The following TXK variants were observed in gnomAD, a reference collection of about 807,000 sequenced individuals.
TXK encodes TXK tyrosine kinase, also known as tyrosine-protein kinase TXK.
In TXK, 60 loss-of-function variants were observed where a neutral mutation model predicts 81.0. The ratio of observed to expected loss-of-function variants is 0.74; its 90% CI spans 0.60 to 0.92. The LOEUF is 0.92. Among genes scored for constraint, TXK ranks in the 40% least tolerant of loss-of-function variants. TXK has a pLI of 0.00. For missense variants in TXK, 581 were observed against 638.3 expected (o/e 0.91, Z 0.97); for synonymous variants, 203 against 210.7 (o/e 0.96, Z 0.32).
At chr4:48,103,538 T>G (rs1346166026) in intron 6 of TXK, among the ~76,000 whole-genome samples, 1 of 152,242 alleles carries the variant, frequency 6.6e-6, no homozygotes, top group Non-Finnish European at 1.5e-5. Flanking sequence ...CATTGAGTTT[T>G]GAGTTACAGA....
At chr4:48,099,975 G>C (rs1014613859) in intron 6 of TXK, among the ~76,000 whole-genome samples, 20 of 151,774 alleles carry the variant, frequency 1.3e-4, no homozygotes, top group Admixed American at 1.3e-3. Flanking sequence ...ACGAGGTCAG[G>C]AGATCGAGAC....
At chr4:48,078,459 C>T (rs1393458987) in intron 11 of TXK, among the ~76,000 whole-genome samples, 1 of 152,322 alleles carries the variant, frequency 6.6e-6, no homozygotes, top group Admixed American at 6.5e-5. Context: ...TCAGGGATTT[C>T]TCATAGACTT....
intron 9 of TXK, 38 bp downstream of exon 9, chr4:48,089,712 G>C: frequency 6.4e-7 from 1 of 1,553,056 alleles, no homozygotes; most frequent in Non-Finnish European, 8.9e-7. Flanking sequence ...TTTACTACTG[G>C]ATTTGCTATT....
chr4:48,124,053 C>T (rs1719023712), intron 1 of TXK, among the ~76,000 whole-genome samples: 1 of 152,216 alleles, frequency 6.6e-6, no homozygotes, highest in Non-Finnish European at 1.5e-5. Context: ...TCCCAAAGCA[C>T]AGTCCTGCCC....
At chr4:48,074,602 AT>A (rs560471597) in intron 12 of TXK, among the ~76,000 whole-genome samples, 14 of 152,306 alleles carry the variant, frequency 9.2e-5, no homozygotes, top group African/African-American at 3.4e-4. Context: ...GAAACCAAGA[AT>A]AACTACCGTC....
intron 1 of TXK, 23 bp from the exon 2 acceptor site, chr4:48,114,425 G>T (rs1354828323): frequency 1.2e-6 from 2 of 1,613,676 alleles, no homozygotes; most frequent in Non-Finnish European, 1.7e-6. Flanking sequence ...TCATTTCTCA[G>T]CTGTTAGAAA....
At chr4:48,126,495 G>A (rs532880994) in intron 1 of TXK, among the ~76,000 whole-genome samples, 2 of 152,122 alleles carry the variant, frequency 1.3e-5, no homozygotes, top group East Asian at 1.9e-4. Flanking sequence ...GTGTGTGTGT[G>A]TGGTTGTTTG....
At chr4:48,131,283 T>C (rs2109490756) in intron 1 of TXK, among the ~76,000 whole-genome samples, 1 of 152,000 alleles carries the variant, frequency 6.6e-6, no homozygotes, top group South Asian at 2.1e-4. Flanking sequence ...AAACAACAAA[T>C]GTTTTTGGCA....
At chr4:48,086,760 G>T in intron 9 of TXK, 123 bp from the exon 10 acceptor site, 1 of 871,232 alleles carries the variant, frequency 1.1e-6, no homozygotes, top group Non-Finnish European at 1.7e-6. Flanking sequence ...AAAGTGGAGA[G>T]GATATGAAGC....
chr4:48,090,404 C>T (rs1480891902), intron 8 of TXK, among the ~76,000 whole-genome samples: 3 of 152,082 alleles, frequency 2.0e-5, no homozygotes, highest in Non-Finnish European at 2.9e-5. Flanking sequence ...TTGAAGTGTG[C>T]CCATTTTGTA....
rs1718737754 is a variant in TXK, at chr4:48,114,405, GA to G, written c.17-4del. 1 of 1,614,122 alleles carries G rather than the reference GA, an allele frequency of 6.2e-7. No individual in the cohort carries two copies. The highest frequency in any genetic ancestry group is 8.5e-7 in the Non-Finnish European group (1 of 1,179,992). ...GAAAACCGACTGGATGGTGTTATCTGAAAAGCAGATCATTTCTCAGCTGTTA... is the reference window on the plus strand; with the variant it reads ...GAAAACCGACTGGATGGTGTTATCTGAAAGCAGATCATTTCTCAGCTGTTA... On this transcript the variant is annotated splice_region_variant and splice_polypyrimidine_tract_variant and intron_variant, in intron 1 of 14. Transcript: ENST00000264316.
chr4:48,088,107 A>G (rs757429734), intron 9 of TXK, among the ~76,000 whole-genome samples: 1 of 152,188 alleles, frequency 6.6e-6, no homozygotes, highest in Non-Finnish European at 1.5e-5. Flanking sequence ...TTAGACCATA[A>G]TGAGATACTA....
rs532681280 is a variant in TXK at position 48,120,098 on chromosome 4, C to T, written c.17-5696G>A. On this transcript the variant is annotated intron_variant, in intron 1 of 14. Transcript: ENST00000264316. ...ATATATACACACACACACACGTACA[C>T]AAATATACGTATACATACACATACA... Among the ~76,000 whole-genome samples the T allele has an allele frequency of 2.6e-4, 39 of 150,640 alleles. 1 individual carries two copies. Among genetic ancestry groups the T allele is most frequent in the African/African-American group, 6.4e-4 (26 of 40,876 alleles).
intron 8 of TXK, among the ~76,000 whole-genome samples, chr4:48,090,369 C>T (rs546005756): frequency 1.3e-5 from 2 of 152,250 alleles, no homozygotes; most frequent in Middle Eastern, 3.4e-3. Context: ...AAAGGATGTA[C>T]TAATTTATTC....
At chr4:48,077,886 G>T (rs1420252714) in intron 11 of TXK, among the ~76,000 whole-genome samples, 1 of 152,094 alleles carries the variant, frequency 6.6e-6, no homozygotes, top group African/African-American at 2.4e-5. Flanking sequence ...CTTGCCCAAG[G>T]TCTCACAGCT....
chr4:48,070,403 T>C (rs1366948381), intron 14 of TXK, among the ~76,000 whole-genome samples: 1 of 151,998 alleles, frequency 6.6e-6, no homozygotes, highest in Non-Finnish European at 1.5e-5. Context: ...GTAGCAGGAG[T>C]CCTGACTGCC....
intron 4 of TXK, among the ~76,000 whole-genome samples, chr4:48,111,940 G>A (rs573057829): frequency 2.5e-4 from 38 of 152,294 alleles, no homozygotes; most frequent in African/African-American, 8.9e-4. Flanking sequence ...TACTATTTCT[G>A]TTCTTACCTT....
chr4:48,132,028 T>C (rs1719258070), intron 1 of TXK, among the ~76,000 whole-genome samples: 1 of 149,386 alleles, frequency 6.7e-6, no homozygotes, highest in African/African-American at 2.5e-5. Flanking sequence ...TCAGCACAAC[T>C]GGAATAACCT....
chr4:48,112,577 G>T (rs1718670872), intron 3 of TXK, 65 bp from the exon 4 acceptor site: 7 of 1,487,980 alleles, frequency 4.7e-6, no homozygotes, highest in Non-Finnish European at 6.3e-6. Context: ...AAAATATAGG[G>T]ACAAAGCATA....
Sources: allele counts gnomAD v4.1 joint callset (sites outside exome capture counted in the v4.1 genomes callset), GRCh38; gene constraint gnomAD v4.1.1; transcripts MANE v1.5; gene names NCBI Gene and HGNC (gene_info 2026-07-23, HGNC 2026-07-21).